The following SHB variants were observed in gnomAD, a reference collection of about 807,000 sequenced individuals.
The protein encoded by SHB is SH2 domain containing adaptor protein B.
SHB carries 20 observed loss-of-function variants against 52.3 expected under a neutral mutation model. The ratio of observed to expected loss-of-function variants is 0.38; its 90% CI spans 0.27 to 0.56. The LOEUF (loss-of-function observed/expected upper bound fraction) is 0.56. Among genes scored for constraint, SHB ranks in the 20% least tolerant of loss-of-function variants. SHB has a pLI of 0.71. For synonymous variants in SHB, 397 were observed against 316.5 expected (o/e 1.25, Z -2.70); for missense variants, 825 against 723.3 (o/e 1.14, Z -1.61).
intron 1 of SHB, among the ~76,000 whole-genome samples, chr9:38,031,425 G>A (rs1252675531): frequency 6.6e-6 from 1 of 152,310 alleles, no homozygotes; most frequent in African/African-American, 2.4e-5. Flanking sequence ...AGTCCTTTAA[G>A]GTGAGTAAGT....
At chr9:38,022,132 T>C (rs1821289083) in intron 1 of SHB, among the ~76,000 whole-genome samples, 1 of 152,214 alleles carries the variant, frequency 6.6e-6, no homozygotes, top group Non-Finnish European at 1.5e-5. Context: ...CTTAACAGTT[T>C]GGGGGCCACT....
intron 3 of SHB, 90 bp from the exon 4 acceptor site, chr9:37,956,144 G>C (rs1239766724): frequency 2.9e-5 from 36 of 1,242,368 alleles, no homozygotes; most frequent in Non-Finnish European, 2.7e-5. Context: ...AGCTGGTCTA[G>C]TTGGCAATTT....
At chr9:38,035,169 C>T (rs1013248007) in intron 1 of SHB, among the ~76,000 whole-genome samples, 3 of 151,988 alleles carry the variant, frequency 2.0e-5, no homozygotes, top group East Asian at 1.9e-4. Context: ...AGGATGCAGG[C>T]GTGTTCTGTG....
intron 2 of SHB, among the ~76,000 whole-genome samples, chr9:37,978,008 C>G (rs1820675117): frequency 6.6e-6 from 1 of 152,198 alleles, no homozygotes; most frequent in Non-Finnish European, 1.5e-5. Context: ...AAGAGATACT[C>G]AGTGAATGTG....
chr9:38,054,318 C>T (rs1479334594), intron 1 of SHB, among the ~76,000 whole-genome samples: 4 of 152,370 alleles, frequency 2.6e-5, no homozygotes, highest in Admixed American at 2.6e-4. Context: ...CATCACACTG[C>T]TTTCAGCCAC....
At chr9:37,974,593 G>T (rs368710766) in intron 3 of SHB, 29 bp downstream of exon 3, 6 of 1,585,120 alleles carry the variant, frequency 3.8e-6, no homozygotes, top group Non-Finnish European at 5.2e-6. Context: ...CTCAGCAGCT[G>T]CCTCCTGAGC....
At chr9:38,050,741 C>A (rs992781867) in intron 1 of SHB, among the ~76,000 whole-genome samples, 13 of 152,080 alleles carry the variant, frequency 8.5e-5, no homozygotes, top group African/African-American at 2.9e-4. Flanking sequence ...GTTAAGAAAT[C>A]CAATACTCTT....
At chr9:37,998,159 C>G (rs1394143090) in intron 2 of SHB, among the ~76,000 whole-genome samples, 1 of 149,654 alleles carries the variant, frequency 6.7e-6, no homozygotes, top group Non-Finnish European at 1.5e-5. Flanking sequence ...TTGCTCTGAG[C>G]TCTGAGTTAC....
chr9:38,067,979 T>C lies in SHB; in HGVS notation c.667A>G (p.Lys223Glu), dbSNP rs1367655766. 1.9e-6 allele frequency: 3 copies of C among 1,552,044 alleles called. No individual in the cohort carries two copies. Among genetic ancestry groups the C allele is most frequent in the South Asian group, 1.2e-5 (1 of 85,066 alleles). Residue 223 changes from lysine (K) to glutamate (E), a missense_variant, in exon 1 of 6, where the codon AAG becomes GAG. Lys to Glu is a moderately conservative substitution (Grantham distance 56, BLOSUM62 1). Transcript: ENST00000377707. ...TACGGKKLLN[K>E]CAASAAEESG... ...TCCTCCGCGGCTGAGGCGGCGCACT[T>C]GTTGAGCAGTTTCTTGCCTCCGCAG...
At chr9:38,058,321 A>T (rs560197833) in intron 1 of SHB, among the ~76,000 whole-genome samples, 33 of 152,296 alleles carry the variant, frequency 2.2e-4, no homozygotes, top group African/African-American at 5.8e-4. Flanking sequence ...GAGGGCAGAG[A>T]GTGTCCCACT....
Position 38,069,170 on chromosome 9 carries a change from G to A in SHB, c.-525C>T, listed in dbSNP as rs1450378179. The A allele has an allele frequency of 3.3e-5, 5 of 151,534 alleles. No individual in the cohort carries two copies. In the South Asian group the frequency reaches 9.4e-4, roughly 29 times the overall value. The allele number at this position is 151,534 out of a possible 1,614,324, so 9.4% of individuals were successfully genotyped here. ...CAGCGAGCGACGGAGGAAGGCAGCCGGCGCCCGCCGGAGCCCGCGCGCCCG... is the reference window on the plus strand; with the variant it reads ...CAGCGAGCGACGGAGGAAGGCAGCCAGCGCCCGCCGGAGCCCGCGCGCCCG... On this transcript the variant is annotated 5_prime_UTR_variant, in exon 1 of 6. Coordinates refer to ENST00000377707, the MANE Select transcript of SHB (RefSeq NM_003028.3).
At chr9:37,924,055 G>T (rs1370610447) in intron 5 of SHB, among the ~76,000 whole-genome samples, 1 of 152,246 alleles carries the variant, frequency 6.6e-6, no homozygotes, top group African/African-American at 2.4e-5. Flanking sequence ...CCAAGCTCCT[G>T]CATCAGCCAC....
chr9:38,043,556 A>G (rs1421024535), intron 1 of SHB, among the ~76,000 whole-genome samples: 2 of 152,192 alleles, frequency 1.3e-5, no homozygotes, highest in Admixed American at 6.5e-5. Flanking sequence ...GGGGAGAGGT[A>G]TCGAGGGTCA....
At chr9:37,928,266 G>A (rs1024593364) in intron 5 of SHB, among the ~76,000 whole-genome samples, 2 of 152,210 alleles carry the variant, frequency 1.3e-5, no homozygotes, top group Admixed American at 1.3e-4. Flanking sequence ...GGAGACAGGT[G>A]GGTACACTGG....
rs780605722 is a variant in SHB, at chr9:37,948,643, G to C, written c.1338C>G (p.Leu446=). The change falls in exon 5 of 6, where the codon CTC becomes CTG. Residue 446 remains leucine (L), a synonymous_variant. Transcript: ENST00000377707. ...NSQTSKHDYS[L]SLRSNQGFMH... Reference sequence around the variant, plus strand: ...CTCGGGGCGGCACTCACCTCAGGGAGAGGGAGTAGTCATGCTTGCTGGTCT... The same window carrying C: ...CTCGGGGCGGCACTCACCTCAGGGACAGGGAGTAGTCATGCTTGCTGGTCT... 3.7e-5 allele frequency: 59 copies of C among 1,613,538 alleles called. No homozygotes were observed. Among genetic ancestry groups the C allele is most frequent in the Middle Eastern group, 1.6e-4 (1 of 6,072 alleles).
intron 5 of SHB, among the ~76,000 whole-genome samples, chr9:37,934,732 G>C (rs1169873878): frequency 2.0e-5 from 3 of 152,214 alleles, no homozygotes; most frequent in East Asian, 1.9e-4. Context: ...TCTCATGTTG[G>C]ACACTCATTC....
chr9:37,949,953 T>C (rs939257123), intron 4 of SHB, among the ~76,000 whole-genome samples: 1 of 152,166 alleles, frequency 6.6e-6, no homozygotes, highest in Non-Finnish European at 1.5e-5. Flanking sequence ...TTTCTTTTTT[T>C]TGAGACAGGG....
chr9:38,016,515 G>A (rs1821214796), intron 1 of SHB, among the ~76,000 whole-genome samples: 1 of 152,256 alleles, frequency 6.6e-6, no homozygotes, highest in African/African-American at 2.4e-5. Flanking sequence ...TTGGAAACGA[G>A]ATCACAGAAA....
At chr9:37,928,091 T>C (rs989246871) in intron 5 of SHB, among the ~76,000 whole-genome samples, 3 of 152,196 alleles carry the variant, frequency 2.0e-5, no homozygotes, top group Non-Finnish European at 4.4e-5. Context: ...CTGATATCAT[T>C]GGCTGGGCAA....
Sources: gnomAD v4.1 joint callset for allele counts (sites outside exome capture counted in the v4.1 genomes callset) on GRCh38, gnomAD v4.1.1 for gene constraint, MANE v1.5 for transcripts, NCBI Gene and HGNC (gene_info 2026-07-23, HGNC 2026-07-21) for gene names.